Variants in LOC400499 observed in about 807,000 individuals in gnomAD.
the LOC400499 span, chr16:11,446,874 G>A: frequency 2.0e-6 from 3 of 1,535,854 alleles, no homozygotes; most frequent in African/African-American, 2.7e-5. Flanking sequence ...TCTCCTGCAG[G>A]AGGAGGCTCT....
At chr16:11,427,203 C>CA in the LOC400499 span, among the ~76,000 whole-genome samples, 58 of 146,716 alleles carry the variant, frequency 4.0e-4, no homozygotes, top group African/African-American at 9.0e-4. Context: ...ACTAACAATA[C>CA]AAAAAAAAAA....
At chr16:11,472,669 C>T in the LOC400499 span, 1 of 152,124 alleles carries the variant, frequency 6.6e-6, no homozygotes, top group African/African-American at 2.4e-5. Flanking sequence ...TGTTACTACT[C>T]CCCAGACTCA....
the LOC400499 span, among the ~76,000 whole-genome samples, chr16:11,501,263 G>A: frequency 3.0e-3 from 451 of 152,260 alleles, 3 homozygotes; most frequent in African/African-American, 0.01. Flanking sequence ...AAATGTCACC[G>A]AGAAGGGGTA....
At chr16:11,403,155 C>T in the LOC400499 span, among the ~76,000 whole-genome samples, 4 of 152,156 alleles carry the variant, frequency 2.6e-5, no homozygotes, top group Admixed American at 6.5e-5. Context: ...GGAGGCTGCC[C>T]GAGGCCCCTG....
chr16:11,446,177 C>G, the LOC400499 span, among the ~76,000 whole-genome samples: 1 of 151,942 alleles, frequency 6.6e-6, no homozygotes. Flanking sequence ...GTGTCTGAGT[C>G]TTGCTCTGTT....
chr16:11,383,257 C>T, the LOC400499 span, among the ~76,000 whole-genome samples: 7 of 152,168 alleles, frequency 4.6e-5, no homozygotes, highest in South Asian at 8.3e-4. Flanking sequence ...TTAGTAGAGA[C>T]GGGGTTTCAC....
At chr16:11,526,376 C>T in the LOC400499 span, among the ~76,000 whole-genome samples, 1 of 152,080 alleles carries the variant, frequency 6.6e-6, no homozygotes, top group Admixed American at 6.6e-5. Flanking sequence ...ATGGTGAAAC[C>T]CCGTCTCCAC....
At chr16:11,420,511 G>C in the LOC400499 span, among the ~76,000 whole-genome samples, 3 of 150,664 alleles carry the variant, frequency 2.0e-5, no homozygotes, top group African/African-American at 7.3e-5. Flanking sequence ...GAGTTAATGG[G>C]TGCAGCACAC....
chr16:11,386,739 C>A, the LOC400499 span, among the ~76,000 whole-genome samples: 1 of 152,238 alleles, frequency 6.6e-6, no homozygotes, highest in Non-Finnish European at 1.5e-5. Context: ...ACTTGCCTGG[C>A]CACACAGCAA....
the LOC400499 span, among the ~76,000 whole-genome samples, chr16:11,443,954 C>T: frequency 6.6e-6 from 1 of 152,058 alleles, no homozygotes; most frequent in Non-Finnish European, 1.5e-5. Flanking sequence ...TGTGCCTAAG[C>T]CTCCGGGGTA....
At chr16:11,433,583 T>C in the LOC400499 span, among the ~76,000 whole-genome samples, 35 of 152,342 alleles carry the variant, frequency 2.3e-4, no homozygotes, top group African/African-American at 7.9e-4. Flanking sequence ...GCATCTTTGG[T>C]TCTAATGAGG....
chr16:11,492,925 A>G, the LOC400499 span, among the ~76,000 whole-genome samples: 2 of 152,202 alleles, frequency 1.3e-5, no homozygotes, highest in African/African-American at 2.4e-5. Context: ...AGTGCCTTTT[A>G]AGCTAAGACG....
At chr16:11,411,459 T>G in the LOC400499 span, 1 of 397,004 alleles carries the variant, frequency 2.5e-6, no homozygotes, top group South Asian at 1.4e-4. Flanking sequence ...AGTGGCCCAG[T>G]TCAGGGCTAT....
At chr16:11,462,022 A>C in the LOC400499 span, 1 of 1,113,344 alleles carries the variant, frequency 9.0e-7, no homozygotes, top group African/African-American at 1.6e-5. Flanking sequence ...ATATTAAGAG[A>C]AGCTGCAGTG....
the LOC400499 span, among the ~76,000 whole-genome samples, chr16:11,398,052 C>A: frequency 6.6e-6 from 1 of 152,272 alleles, no homozygotes; most frequent in Admixed American, 6.5e-5. Flanking sequence ...ATGACTACAG[C>A]AGCTCTAACT....
the LOC400499 span, chr16:11,471,551 C>A: frequency 7.5e-6 from 3 of 398,738 alleles, no homozygotes; most frequent in Non-Finnish European, 8.8e-6. Context: ...CACAGCCCAA[C>A]AGCCCCAGAG....
At chr16:11,477,066 C>G in the LOC400499 span, 1 of 399,682 alleles carries the variant, frequency 2.5e-6, no homozygotes, top group African/African-American at 2.1e-5. Context: ...ACTGCCACCA[C>G]TGCCACCCAC....
the LOC400499 span, among the ~76,000 whole-genome samples, chr16:11,375,100 A>G: frequency 4.0e-4 from 60 of 150,458 alleles, no homozygotes; most frequent in African/African-American, 1.3e-3. Context: ...CGCCCACCCC[A>G]GCTTCCCATA....
the LOC400499 span, among the ~76,000 whole-genome samples, chr16:11,406,713 C>T: frequency 2.6e-5 from 4 of 152,280 alleles, no homozygotes; most frequent in African/African-American, 4.8e-5. Context: ...ATTACAGGCG[C>T]GAGCCACCGT....
Sources: allele counts gnomAD v4.1 joint callset (sites outside exome capture counted in the v4.1 genomes callset), GRCh38; gene constraint gnomAD v4.1.1; transcripts MANE v1.5.